Variants in GABBR2 observed in about 807,000 individuals in gnomAD.
GABBR2 encodes gamma-aminobutyric acid type B receptor subunit 2.
In GABBR2, 23 loss-of-function variants were observed where a neutral mutation model predicts 105.6. The observed-to-expected ratio is 0.22, with a 90% CI of 0.16 to 0.31. The LOEUF is 0.31. Ranked by LOEUF, GABBR2 falls within the 10% of genes least tolerant of loss-of-function variation. GABBR2 has a pLI of 1.00. For missense variants in GABBR2, 734 were observed against 1,245.5 expected (o/e 0.59, Z 6.18); for synonymous variants, 478 against 499.7 (o/e 0.96, Z 0.58).
At chr9:98,500,470 G>A (rs1322475909) in intron 3 of GABBR2, among the ~76,000 whole-genome samples, 2 of 152,224 alleles carry the variant, frequency 1.3e-5, no homozygotes, top group Non-Finnish European at 2.9e-5. Context: ...GGAGTGCTGT[G>A]AGCAGGCACC....
intron 13 of GABBR2, among the ~76,000 whole-genome samples, chr9:98,341,252 A>G (rs1342670817): frequency 6.6e-6 from 1 of 152,218 alleles, no homozygotes; most frequent in African/African-American, 2.4e-5. Context: ...GGGCCCAGAC[A>G]CATCTGTGCC....
intron 7 of GABBR2, among the ~76,000 whole-genome samples, chr9:98,406,991 C>T (rs1190516357): frequency 1.3e-5 from 2 of 152,162 alleles, no homozygotes; most frequent in Non-Finnish European, 2.9e-5. Context: ...GATCAAGAAA[C>T]TGAAACTGAG....
intron 2 of GABBR2, among the ~76,000 whole-genome samples, chr9:98,574,853 C>T (rs56042101): frequency 0.21 from 32,274 of 152,092 alleles, 4,294 homozygotes; most frequent in East Asian, 0.5. Flanking sequence ...GTGGAATCAG[C>T]TGGATTCCTC....
chr9:98,451,374 T>A (rs1826226336), intron 7 of GABBR2, among the ~76,000 whole-genome samples: 1 of 152,230 alleles, frequency 6.6e-6, no homozygotes, highest in African/African-American at 2.4e-5. Flanking sequence ...CTGTTAAAGT[T>A]TCCAGCCTGA....
At chr9:98,515,581 G>A (rs1023736900) in intron 3 of GABBR2, among the ~76,000 whole-genome samples, 39 of 151,990 alleles carry the variant, frequency 2.6e-4, no homozygotes, top group Admixed American at 2.6e-3. Flanking sequence ...CAGATTTGGG[G>A]TGTGGAATGA....
At chr9:98,618,656 C>T (rs1390263218) in intron 1 of GABBR2, among the ~76,000 whole-genome samples, 1 of 152,084 alleles carries the variant, frequency 6.6e-6, no homozygotes, top group Non-Finnish European at 1.5e-5. Flanking sequence ...GTGCTTCTCT[C>T]AGTGTGTCTC....
At chr9:98,620,167 C>T (rs924833612) in intron 1 of GABBR2, among the ~76,000 whole-genome samples, 1 of 152,052 alleles carries the variant, frequency 6.6e-6, no homozygotes, top group Non-Finnish European at 1.5e-5. Flanking sequence ...TTTTTCAAAT[C>T]TACAGTAAAG....
chr9:98,594,038 G>A (rs1829189396), intron 1 of GABBR2, among the ~76,000 whole-genome samples: 1 of 152,178 alleles, frequency 6.6e-6, no homozygotes, highest in South Asian at 2.1e-4. Context: ...GCAGGCACCT[G>A]TTTTCAGAGG....
At chr9:98,532,238 C>T (rs1306855429) in intron 3 of GABBR2, among the ~76,000 whole-genome samples, 1 of 152,214 alleles carries the variant, frequency 6.6e-6, no homozygotes, top group African/African-American at 2.4e-5. Context: ...CAAACAACCA[C>T]CAAGGTCTGG....
chr9:98,504,354 G>A (rs999809993), intron 3 of GABBR2, among the ~76,000 whole-genome samples: 1 of 152,182 alleles, frequency 6.6e-6, no homozygotes, highest in Admixed American at 6.5e-5. Flanking sequence ...GTGGCTGGAG[G>A]CTGCAGAGAG....
At chr9:98,378,834 T>C (rs539379268) in intron 11 of GABBR2, among the ~76,000 whole-genome samples, 1 of 152,314 alleles carries the variant, frequency 6.6e-6, no homozygotes, top group Admixed American at 6.5e-5. Flanking sequence ...GGATTCACAG[T>C]TGAGTTCAGT....
chr9:98,593,321 A>G (rs1829173836), intron 1 of GABBR2, among the ~76,000 whole-genome samples: 2 of 152,166 alleles, frequency 1.3e-5, no homozygotes, highest in African/African-American at 4.8e-5. Context: ...ACATCGCCAG[A>G]GCTGAGGACA....
At chr9:98,680,467 G>A (rs1179444222) in intron 1 of GABBR2, among the ~76,000 whole-genome samples, 4 of 152,096 alleles carry the variant, frequency 2.6e-5, no homozygotes, top group East Asian at 1.9e-4. Flanking sequence ...CACTATGCCC[G>A]GCTAATTTTC....
chr9:98,495,517 C>A (rs891093323), intron 4 of GABBR2, among the ~76,000 whole-genome samples: 6 of 152,192 alleles, frequency 3.9e-5, no homozygotes, highest in Non-Finnish European at 8.8e-5. Context: ...TATCAAACTT[C>A]TAAGCTTGGC....
At chr9:98,477,462 T>A (rs1588182941) in intron 5 of GABBR2, among the ~76,000 whole-genome samples, 2 of 152,306 alleles carry the variant, frequency 1.3e-5, no homozygotes, top group African/African-American at 4.8e-5. Flanking sequence ...CTGGTCTAAC[T>A]CTTGGGCTTA....
At chr9:98,445,143 A>G (rs2491398) in intron 7 of GABBR2, among the ~76,000 whole-genome samples, 111,686 of 152,184 alleles carry the variant, frequency 0.73, 41,530 homozygotes, top group African/African-American at 0.84. Flanking sequence ...GGTTATCAGG[A>G]ATTATTGAGC....
At chr9:98,647,925 C>A (rs898377041) in intron 1 of GABBR2, among the ~76,000 whole-genome samples, 3 of 150,772 alleles carry the variant, frequency 2.0e-5, no homozygotes, top group African/African-American at 7.3e-5. Context: ...CATACACTGT[C>A]GATTGAAATG....
chr9:98,581,005 G>C (rs1564121033), intron 1 of GABBR2: 1 of 152,244 alleles, frequency 6.6e-6, no homozygotes, highest in Non-Finnish European at 1.5e-5. Context: ...AAACTCCTCT[G>C]ATCTGTGACC....
chr9:98,702,942 T>C (rs1182663414), intron 1 of GABBR2, among the ~76,000 whole-genome samples: 2 of 152,202 alleles, frequency 1.3e-5, no homozygotes, highest in Non-Finnish European at 2.9e-5. Context: ...CAACTCTGTG[T>C]TCAGGTGGTT....
Sources: allele counts gnomAD v4.1 joint callset (sites outside exome capture counted in the v4.1 genomes callset), GRCh38; gene constraint gnomAD v4.1.1; transcripts MANE v1.5; gene names NCBI Gene and HGNC (gene_info 2026-07-23, HGNC 2026-07-21).